CCL22: variants seen among roughly 807,000 people sequenced by gnomAD.
CCL22 encodes C-C motif chemokine ligand 22, also known as C-C motif chemokine 22.
In CCL22, 7 loss-of-function variants were observed where a neutral mutation model predicts 7.6. That is an observed-to-expected ratio of 0.92 (90% CI 0.52 to 1.72). The LOEUF is 1.72. Ranked by LOEUF, CCL22 falls within the 40% of genes most tolerant of loss-of-function variation. CCL22 has a pLI of 0.00. For missense variants in CCL22, 115 were observed against 124.7 expected, an observed-to-expected ratio of 0.92 and a Z score of 0.37; for synonymous variants, 55 against 47.2, an observed-to-expected ratio of 1.17 and a Z score of -0.68.
intron 2 of CCL22, among the ~76,000 whole-genome samples, chr16:57,362,195 T>A (rs1466882689): frequency 6.6e-6 from 1 of 152,192 alleles, no homozygotes; most frequent in Non-Finnish European, 1.5e-5. Context: ...GTCTGGCACA[T>A]AATAGATGCT....
Position 57,364,794 on chromosome 16 carries a change from C to T in CCL22, c.*1206C>T, listed in dbSNP as rs1394278227. 3 of 131,120 alleles carry T rather than the reference C, an allele frequency of 2.3e-5. No homozygotes were observed. The highest frequency in any genetic ancestry group is 6.0e-5 in the African/African-American group (2 of 33,144). 8.1% of individuals were successfully genotyped at this position (131,120 alleles called of 1,614,324 possible). Reference sequence around the variant, plus strand: ...GTGCCTGGCCTCTTCCCTCTCCCCACCCCCCCCCCAACTTTTTTTTTTTTT... The same window carrying T: ...GTGCCTGGCCTCTTCCCTCTCCCCATCCCCCCCCCAACTTTTTTTTTTTTT... On this transcript the variant is annotated 3_prime_UTR_variant, in exon 3 of 3. Coordinates refer to ENST00000219235, the MANE Select transcript of CCL22 (RefSeq NM_002990.5).
chr16:57,357,965 A>C (rs1567548744), upstream of CCL22, among the ~76,000 whole-genome samples: 1 of 152,188 alleles, frequency 6.6e-6, no homozygotes, highest in Non-Finnish European at 1.5e-5. Context: ...GTTCTGAAGC[A>C]GGAGAGAGAG....
At chr16:57,358,508 C>T (rs1902012679), upstream of CCL22, among the ~76,000 whole-genome samples, 1 of 152,214 alleles carries the variant, frequency 6.6e-6, no homozygotes, top group South Asian at 2.1e-4. Context: ...TGGCCAAGGC[C>T]ACACAGTGCA....
At chr16:57,359,871 G>C (rs562214934) in intron 1 of CCL22, among the ~76,000 whole-genome samples, 1 of 152,268 alleles carries the variant, frequency 6.6e-6, no homozygotes, top group South Asian at 2.1e-4. Flanking sequence ...GACCTCAAGT[G>C]AAACTCCCAT....
At position 57,363,533 on chromosome 16, in the gene CCL22, G is replaced by A; in HGVS notation, c.227G>A (p.Cys76Tyr). Residue 76 changes from cysteine to tyrosine, a missense_variant, in exon 3 of 3, where the codon TGT becomes TAT. Physicochemically the swap from Cys to Tyr is radical, Grantham distance 194. Coordinates refer to ENST00000219235, the MANE Select transcript of CCL22 (RefSeq NM_002990.5). ...CTAACCTTCAGGGATAAGGAGATCT[G>A]TGCCGATCCCAGAGTGCCCTGGGTG... is the stretch of plus-strand genomic sequence containing the variant. ...VLLTFRDKEI[C>Y]ADPRVPWVKM... 3 of 1,613,712 alleles carry A rather than the reference G, an allele frequency of 1.9e-6. No homozygotes were observed. Among genetic ancestry groups the A allele is most frequent in the Non-Finnish European group, 2.5e-6 (3 of 1,179,710 alleles).
At chr16:57,363,427 T>C (rs1471942757) in intron 2 of CCL22, 77 bp from the exon 3 acceptor site, 10 of 905,346 alleles carry the variant, frequency 1.1e-5, no homozygotes, top group African/African-American at 1.6e-5. Flanking sequence ...GGCTCATAAA[T>C]GCTAAGCTCC....
Position 57,358,823 on chromosome 16 carries a change from C to T in CCL22, c.7C>T (p.Arg3Cys), listed in dbSNP as rs1321086437. 8.1e-6 allele frequency: 13 copies of T among 1,612,878 alleles called. No individual in the cohort carries two copies. The highest frequency in any genetic ancestry group is 5.5e-5 in the South Asian group (5 of 91,060). ...GAGACATACAGGACAGAGCATGGAT[C>T]GCCTACAGACTGCACTCCTGGTTGT... MD[R>C]LQTALLVVLV... The change falls in exon 1 of 3, where the codon CGC (arginine) becomes TGC (cysteine). Residue 3 changes from arginine (R) to cysteine (C), a missense_variant. Arg to Cys is a radical substitution (Grantham distance 180). Transcript: ENST00000219235.
At chr16:57,358,980 G>T in intron 1 of CCL22, 91 bp downstream of exon 1, 1 of 991,546 alleles carries the variant, frequency 1.0e-6, no homozygotes, top group Non-Finnish European at 1.6e-6. Flanking sequence ...TGGACCAAGA[G>T]CAGAAGACCT....
intron 2 of CCL22, among the ~76,000 whole-genome samples, chr16:57,362,598 C>T (rs1478210763): frequency 1.3e-5 from 2 of 152,040 alleles, no homozygotes; most frequent in African/African-American, 4.8e-5. Context: ...CAGTGGCTCA[C>T]TCCTATAATC....
At position 57,363,676 on chromosome 16, in the gene CCL22, A is replaced by G; in HGVS notation, c.*88A>G. The G allele has an allele frequency of 1.2e-6, 1 of 813,974 alleles. No individual in the cohort carries two copies. The highest frequency in any genetic ancestry group is 2.1e-6 in the Non-Finnish European group (1 of 474,052). The allele number at this position is 813,974 out of a possible 1,614,324, so 50.4% of individuals were successfully genotyped here. On this transcript the variant is annotated 3_prime_UTR_variant, in exon 3 of 3. Transcript: ENST00000219235. ...TGCCATTATAGCTGCTCCCCGCCAG[A>G]AGCCTGTGCCAACTCTCTGCATTCC...
At chr16:57,362,408 G>C (rs865986794) in intron 2 of CCL22, among the ~76,000 whole-genome samples, 29 of 152,204 alleles carry the variant, frequency 1.9e-4, no homozygotes, top group African/African-American at 6.5e-4. Context: ...ATCACTTGAG[G>C]CCAGGAGTTC....
At chr16:57,363,244 C>G (rs1166248876) in intron 2 of CCL22, among the ~76,000 whole-genome samples, 11 of 152,182 alleles carry the variant, frequency 7.2e-5, no homozygotes, top group African/African-American at 2.2e-4. Context: ...ATCCTCCTGC[C>G]TCGGCCTCCC....
In CCL22 at chr16:57,366,091, T is replaced by C. The variant is rs912135757; in HGVS notation, c.*2503T>C. On this transcript the variant is annotated 3_prime_UTR_variant, in exon 3 of 3. Transcript: ENST00000219235. ...GCACTAGAAGGACGAATCTGCCTAC[T>C]GCCCATGAACGGGGCCCTCAAGCGT... The C allele has an allele frequency of 6.6e-6, 1 of 152,492 alleles. No homozygotes were observed. Among genetic ancestry groups the C allele is most frequent in the African/African-American group, 2.4e-5 (1 of 41,480 alleles). 9.4% of individuals were successfully genotyped at this position (152,492 alleles called of 1,614,324 possible). A position where few individuals can be genotyped will look rare whatever the true frequency, so the allele number is the denominator to read the frequency against.
chr16:57,360,846 C>G (rs223818), intron 2 of CCL22, among the ~76,000 whole-genome samples: 118,257 of 152,168 alleles, frequency 0.78, 48,988 homozygotes, highest in Non-Finnish European at 0.93. Context: ...GGTGCCACCA[C>G]AGTGTGGGTA....
At chr16:57,360,001 A>G (rs1375702768) in intron 1 of CCL22, among the ~76,000 whole-genome samples, 2 of 152,044 alleles carry the variant, frequency 1.3e-5, no homozygotes, top group Non-Finnish European at 2.9e-5. Context: ...ACCCCACTCT[A>G]TACTTTTGCT....
In CCL22 at chr16:57,365,440, C is replaced by T. The variant is rs1380159638; in HGVS notation, c.*1852C>T. 3 of 152,234 alleles carry T rather than the reference C, an allele frequency of 2.0e-5. No individual in the cohort carries two copies. Among genetic ancestry groups the T allele is most frequent in the Non-Finnish European group, 4.4e-5 (3 of 68,094 alleles). 9.4% of individuals were successfully genotyped at this position (152,234 alleles called of 1,614,324 possible). A position where few individuals can be genotyped will look rare whatever the true frequency, so the allele number is the denominator to read the frequency against. On this transcript the variant is annotated 3_prime_UTR_variant, in exon 3 of 3. Transcript: ENST00000219235. ...ACTGTGAGAGGGGGACAAGGTGGAG[C>T]TTTCCTGGCCCTGGGAGGAAGCTGG... is the stretch of plus-strand genomic sequence containing the variant.
chr16:57,360,307 A>T, intron 1 of CCL22, 130 bp from the exon 2 acceptor site: 1 of 1,127,318 alleles, frequency 8.9e-7, no homozygotes. Flanking sequence ...TCTGGTCACC[A>T]TCCTTCCACA....
chr16:57,361,858 A>G (rs1188491805), intron 2 of CCL22, among the ~76,000 whole-genome samples: 10 of 152,166 alleles, frequency 6.6e-5, no homozygotes. Context: ...CAGGTGAATA[A>G]TAAAAAAGGC....
In CCL22 at chr16:57,358,832, A is replaced by G; in HGVS notation, c.16A>G (p.Thr6Ala). MDRLQ[T>A]ALLVVLVLLA... ...AGGACAGAGCATGGATCGCCTACAG[A>G]CTGCACTCCTGGTTGTCCTCGTCCT... The change falls in exon 1 of 3, where the codon ACT becomes GCT. Residue 6 changes from threonine to alanine, a missense_variant. Coordinates refer to ENST00000219235, the MANE Select transcript of CCL22 (RefSeq NM_002990.5). The G allele has an allele frequency of 6.2e-7, 1 of 1,613,782 alleles. No individual in the cohort carries two copies. The highest frequency in any genetic ancestry group is 8.5e-7 in the Non-Finnish European group (1 of 1,179,750).
Sources: allele counts gnomAD v4.1 joint callset (sites outside exome capture counted in the v4.1 genomes callset), GRCh38; gene constraint gnomAD v4.1.1; transcripts MANE v1.5; gene names NCBI Gene and HGNC (gene_info 2026-07-23, HGNC 2026-07-21).